The following PYGM variants were observed in gnomAD, a reference collection of about 807,000 sequenced individuals.
The protein encoded by PYGM is glycogen phosphorylase, muscle form.
PYGM carries 81 observed loss-of-function variants against 99.3 expected under a neutral mutation model. That is an observed-to-expected ratio of 0.82 (90% CI 0.68 to 0.98). PYGM has a LOEUF of 0.98. Among genes scored for constraint, PYGM ranks in the 50% least tolerant of loss-of-function variants. The probability of loss-of-function intolerance (pLI) is 0.00; values close to 1 mark genes in which losing one functional copy is unlikely to be tolerated. For missense variants in PYGM, 1,030 were observed against 1,158.1 expected (o/e 0.89, Z 1.61); for synonymous variants, 436 against 451.5 (o/e 0.97, Z 0.44).
Position 64,753,870 on chromosome 11 carries a change from C to G in PYGM, c.1239+9G>C. On this transcript the variant is annotated intron_variant, in intron 10 of 19. Coordinates refer to ENST00000164139, the MANE Select transcript of PYGM (RefSeq NM_005609.4). ...ACCCCCACACCATCCCCCAAGCCTC[C>G]GGACTCACGTTGAGGAAGCGCTGGT... 6.4e-7 allele frequency: 1 copy of G among 1,565,642 alleles called. No individual in the cohort carries two copies. Among genetic ancestry groups the G allele is most frequent in the Non-Finnish European group, 8.7e-7 (1 of 1,154,946 alleles).
chr11:64,754,308 G>T lies in PYGM; in HGVS notation c.1037C>A (p.Ala346Asp), dbSNP rs1338817779. Residue 346 changes from alanine (A) to aspartate (D), a missense_variant, in exon 9 of 20, where the codon GCC (alanine) becomes GAC (aspartate). Ala to Asp is a moderately radical substitution (Grantham distance 126). Transcript: ENST00000164139. The surrounding 1 kb of genome is among the most constrained non-coding windows in gnomAD (Gnocchi z 5.5). ...CAGGATCCTCATCAGCTCGGGGATG[G>T]CCAGGGAGGGGTGGGTGTCATTGAG... ...IQLNDTHPSLAIPELMRILVD... is the reference protein window; with the variant it reads ...IQLNDTHPSLDIPELMRILVD... 6.2e-7 allele frequency: 1 copy of T among 1,613,800 alleles called. No homozygotes were observed.
intron 18 of PYGM, 109 bp from the exon 19 acceptor site, chr11:64,747,096 G>A: frequency 4.5e-6 from 7 of 1,567,880 alleles, no homozygotes; most frequent in Non-Finnish European, 6.1e-6. Context: ...GGGACCTAGA[G>A]GGTCATGCTG....
chr11:64,749,857 A>G (rs2058341756), intron 17 of PYGM, among the ~76,000 whole-genome samples: 1 of 144,400 alleles, frequency 6.9e-6, no homozygotes, highest in Admixed American at 7.1e-5. Context: ...CAGTGGCGCG[A>G]TCTCGGCTCA....
At chr11:64,759,427 G>A (rs919451516) in intron 1 of PYGM, among the ~76,000 whole-genome samples, 6 of 152,008 alleles carry the variant, frequency 3.9e-5, no homozygotes, top group Non-Finnish European at 7.4e-5. Context: ...AACCTTCTCC[G>A]AGTGGGCACT....
At chr11:64,758,393 G>A (rs2058408639) in intron 3 of PYGM, 44 bp from the exon 4 acceptor site, 1 of 1,613,050 alleles carries the variant, frequency 6.2e-7, no homozygotes, top group African/African-American at 1.3e-5. Flanking sequence ...CCAGCAAGGA[G>A]GACCCCATCG....
In PYGM at chr11:64,759,645, C is replaced by T. The variant is rs1183306778; in HGVS notation, c.243+11G>A. The T allele has an allele frequency of 1.9e-6, 3 of 1,613,192 alleles. No individual in the cohort carries two copies. Among genetic ancestry groups the T allele is most frequent in the Non-Finnish European group, 2.5e-6 (3 of 1,179,800 alleles). On this transcript the variant is annotated intron_variant, in intron 1 of 19. Transcript: ENST00000164139. ...CAGCCCATACCCCCACCCCAGGCTC[C>T]CCAGCAGCACCTTGGGGTCCTTCTC...
At chr11:64,760,325 C>A (rs1349709974), upstream of PYGM, 3 of 218,100 alleles carry the variant, frequency 1.4e-5, no homozygotes, top group Non-Finnish European at 2.8e-5. Context: ...CAAAAGGAAC[C>A]AGGACCCCCT....
intron 5 of PYGM, among the ~76,000 whole-genome samples, chr11:64,756,038 C>A (rs2058392639): frequency 6.6e-6 from 1 of 152,248 alleles, no homozygotes; most frequent in Admixed American, 6.5e-5. Context: ...CTAATTCTGC[C>A]CCGCCTTCCA....
At chr11:64,750,639 G>A in intron 16 of PYGM, 56 bp from the exon 17 acceptor site, 1 of 1,556,436 alleles carries the variant, frequency 6.4e-7, no homozygotes. Context: ...CACACCAGCT[G>A]GGGACTCTCA....
At chr11:64,759,626 A>T (rs755631255) in intron 1 of PYGM, 30 bp downstream of exon 1, 2 of 1,611,592 alleles carry the variant, frequency 1.2e-6, no homozygotes, top group Non-Finnish European at 1.7e-6. Flanking sequence ...CCTTCAGCCC[A>T]TACCCCCACC....
Position 64,759,850 on chromosome 11 carries a change from GC to G in PYGM, c.48del (p.Arg17ValfsTer9), listed in dbSNP as rs779056085. 1 of 1,614,210 alleles carries G rather than the reference GC, an allele frequency of 6.2e-7. No homozygotes were observed. Among genetic ancestry groups the G allele is most frequent in the South Asian group, 1.1e-5 (1 of 91,086 alleles). On this transcript the variant is annotated frameshift_variant, in exon 1 of 20. Coordinates refer to ENST00000164139, the MANE Select transcript of PYGM (RefSeq NM_005609.4). LOFTEE classifies it high-confidence loss of function. ...SDQEKRKQIS[V>X]RGLAGVENVT... The stretch of plus-strand genomic sequence containing the variant: ...ACGTTCTCCACGCCGGCCAGGCCAC[GC>G]ACACTGATTTGCTTTCTTTTCTCTT...
Position 64,751,418 on chromosome 11 carries a change from CTG to C in PYGM, c.1874_1875del (p.Thr625SerfsTer9). 1 of 1,614,170 alleles carries C rather than the reference CTG, an allele frequency of 6.2e-7. No homozygotes were observed. Among genetic ancestry groups the C allele is most frequent in the East Asian group, 2.2e-5 (1 of 44,888 alleles). The part of the protein sequence containing the change: ...HMAKMIIRLV[T>X]AIGDVVNHDP... The stretch of plus-strand genomic sequence containing the variant: ...TCATGGTTGACCACATCCCCGATGG[CTG>C]TGACGAGTCTGATGATCATCTTGGC... On this transcript the variant is annotated frameshift_variant, in exon 16 of 20. Transcript: ENST00000164139. LOFTEE classifies it high-confidence loss of function.
Position 64,753,984 on chromosome 11 carries a change from G to T in PYGM, c.1134C>A (p.His378Gln), listed in dbSNP as rs2135834122. The part of the protein sequence containing the change: ...VTVRTCAYTN[H>Q]TVLPEALERW... The stretch of plus-strand genomic sequence containing the variant: ...GCTCCAGGGCCTCGGGCAGCACCGT[G>T]TGGTTGGTGTAGGCACAGGTCCTCA... Residue 378 changes from histidine to glutamine, a missense_variant, in exon 10 of 20, where the codon CAC (histidine) becomes CAA (glutamine). His to Gln is a conservative substitution (Grantham distance 24). Coordinates refer to ENST00000164139, the MANE Select transcript of PYGM (RefSeq NM_005609.4). 6.2e-7 allele frequency: 1 copy of T among 1,606,950 alleles called. No homozygotes were observed. The highest frequency in any genetic ancestry group is 8.5e-7 in the Non-Finnish European group (1 of 1,176,644).
At position 64,758,594 on chromosome 11, in the gene PYGM, C is replaced by T. The variant is rs1370814699; in HGVS notation, c.345+9G>A. The T allele has an allele frequency of 6.2e-7, 1 of 1,613,310 alleles. No individual in the cohort carries two copies. The highest frequency in any genetic ancestry group is 1.1e-5 in the South Asian group (1 of 91,070). ...CCAGTCCCCACGGCTTGCCCCACCCCACACACACCTGGTAGGTGGCCTCGT... is the reference window on the plus strand; with the variant it reads ...CCAGTCCCCACGGCTTGCCCCACCCTACACACACCTGGTAGGTGGCCTCGT... On this transcript the variant is annotated intron_variant, in intron 2 of 19. Transcript: ENST00000164139.
Position 64,755,761 on chromosome 11 carries a change from C to T in PYGM, c.661-203G>A, listed in dbSNP as rs1198008535. ...AGCAAAGACACCCTCAACACCTCCC[C>T]GACACCCATAAGCCCTGCCTGGGCA... On this transcript the variant is annotated intron_variant, in intron 5 of 19. Transcript: ENST00000164139. This position sits in a 1 kb window ranked among gnomAD's most constrained non-coding sequence, Gnocchi z 4.1. Among the ~76,000 whole-genome samples the T allele has an allele frequency of 6.6e-6, 1 of 152,230 alleles. No individual in the cohort carries two copies. Among genetic ancestry groups the T allele is most frequent in the Non-Finnish European group, 1.5e-5 (1 of 68,038 alleles).
In PYGM at chr11:64,757,761, C is replaced by A. The variant is rs1171799878; in HGVS notation, c.660+18G>T. 1.9e-6 allele frequency: 3 copies of A among 1,614,104 alleles called. No homozygotes were observed. In the South Asian group the frequency reaches 3.3e-5, roughly 18 times the overall value. On this transcript the variant is annotated intron_variant, in intron 5 of 19. Coordinates refer to ENST00000164139, the MANE Select transcript of PYGM (RefSeq NM_005609.4). Reference sequence around the variant, plus strand: ...CTCCCCTTCTCTGGGCTCCCCTGACCCCCAGCTTCATCCTCACCTGTGTGT... The same window carrying A: ...CTCCCCTTCTCTGGGCTCCCCTGACACCCAGCTTCATCCTCACCTGTGTGT...
rs1348389951 is a variant in PYGM, at chr11:64,755,852, C to T, written c.661-294G>A. The stretch of plus-strand genomic sequence containing the variant: ...CGGAACCCAGGAGGGGCTCTGTTGG[C>T]GACCACTCTGCAGCAATGGGGGCTG... On this transcript the variant is annotated intron_variant, in intron 5 of 19. Coordinates refer to ENST00000164139, the MANE Select transcript of PYGM (RefSeq NM_005609.4). This position sits in a 1 kb window ranked among gnomAD's most constrained non-coding sequence, Gnocchi z 4.1. Among the ~76,000 whole-genome samples, 1 of 152,210 alleles carries T rather than the reference C, an allele frequency of 6.6e-6. No individual in the cohort carries two copies. Among genetic ancestry groups the T allele is most frequent in the Non-Finnish European group, 1.5e-5 (1 of 68,036 alleles).
intron 18 of PYGM, 47 bp from the exon 19 acceptor site, chr11:64,747,034 A>T (rs569602): frequency 6.2e-7 from 1 of 1,603,922 alleles, no homozygotes; most frequent in Non-Finnish European, 8.5e-7. Context: ...GGGGGCTAGG[A>T]TAAGTTCTAT....
At chr11:64,752,260 C>T (rs2135830996) in intron 13 of PYGM, 143 bp downstream of exon 13, 1 of 1,281,660 alleles carries the variant, frequency 7.8e-7, no homozygotes, top group Non-Finnish European at 1.1e-6. Context: ...ATGATGCCTT[C>T]CCACCACAGA....
Sources: gnomAD v4.1 joint callset for allele counts (sites outside exome capture counted in the v4.1 genomes callset) on GRCh38, gnomAD v4.1.1 for gene constraint, Gnocchi (gnomAD v3.1) non-coding constraint, MANE v1.5 for transcripts, NCBI Gene and HGNC (gene_info 2026-07-23, HGNC 2026-07-21) for gene names.